RORB: variants seen among roughly 807,000 people sequenced by gnomAD.
RORB encodes the protein RAR related orphan receptor B.
A neutral mutation model predicts 59.1 loss-of-function variants in RORB; 6 were observed. The observed-to-expected ratio is 0.10, with a 90% CI of 0.06 to 0.20. The LOEUF (loss-of-function observed/expected upper bound fraction) is 0.20, where lower values mean the gene tolerates loss of function less well. Ranked by LOEUF, RORB falls within the 10% of genes least tolerant of loss-of-function variation. The probability of loss-of-function intolerance (pLI) is 1.00; values close to 1 mark genes in which losing one functional copy is unlikely to be tolerated. For missense variants in RORB, 320 were observed against 560.5 expected, an observed-to-expected ratio of 0.57 and a Z score of 4.33; for synonymous variants, 215 against 204.5, an observed-to-expected ratio of 1.05 and a Z score of -0.44.
intron 1 of RORB, among the ~76,000 whole-genome samples, chr9:74,588,483 A>G (rs554910011): frequency 7.9e-4 from 120 of 152,186 alleles, no homozygotes; most frequent in Non-Finnish European, 1.4e-3. Context: ...TAAAATAATG[A>G]TTTTAAGAGC....
At chr9:74,634,872 G>T in intron 3 of RORB, 100 bp downstream of exon 3, 4 of 1,122,288 alleles carry the variant, frequency 3.6e-6, no homozygotes, top group Non-Finnish European at 5.0e-6. Flanking sequence ...GAGGGAATTG[G>T]GGATAAGAAG....
intron 2 of RORB, among the ~76,000 whole-genome samples, chr9:74,632,576 C>T (rs1823637222): frequency 6.6e-6 from 1 of 152,044 alleles, no homozygotes; most frequent in African/African-American, 2.4e-5. Context: ...ATCCCTTTTT[C>T]ATGCCAAAAA....
At chr9:74,578,896 C>T (rs769966930) in intron 1 of RORB, among the ~76,000 whole-genome samples, 1 of 152,096 alleles carries the variant, frequency 6.6e-6, no homozygotes, top group Non-Finnish European at 1.5e-5. Context: ...AGCATGTCCT[C>T]ATCCTTTGTC....
intron 1 of RORB, among the ~76,000 whole-genome samples, chr9:74,629,555 A>C (rs1823581019): frequency 6.6e-6 from 1 of 152,064 alleles, no homozygotes. Context: ...TAAATCCTGC[A>C]CGATCTTCAG....
At chr9:74,539,313 G>T (rs964243673) in intron 1 of RORB, among the ~76,000 whole-genome samples, 2 of 152,098 alleles carry the variant, frequency 1.3e-5, no homozygotes, top group Non-Finnish European at 2.9e-5. Context: ...TTTAGATGTT[G>T]CTGGTTTCTC....
intron 4 of RORB, among the ~76,000 whole-genome samples, chr9:74,651,479 G>A (rs1295210371): frequency 6.6e-6 from 1 of 151,716 alleles, no homozygotes; most frequent in African/African-American, 2.4e-5. Context: ...AGGTTGCAGT[G>A]AGCCAAGATT....
chr9:74,503,025 T>C (rs1471300662), intron 1 of RORB, among the ~76,000 whole-genome samples: 1 of 152,108 alleles, frequency 6.6e-6, no homozygotes, highest in Non-Finnish European at 1.5e-5. Context: ...TGTTAAAATA[T>C]ATAGAAAAGT....
chr9:74,500,642 C>A (rs1825793332), intron 1 of RORB, among the ~76,000 whole-genome samples: 1 of 152,194 alleles, frequency 6.6e-6, no homozygotes, highest in African/African-American at 2.4e-5. Context: ...CTTTGAGCGA[C>A]GGAAAGGTGA....
chr9:74,630,332 A>T lies in RORB; in HGVS notation c.58A>T (p.Ile20Phe). 1 of 1,613,650 alleles carries T rather than the reference A, an allele frequency of 6.2e-7. No individual in the cohort carries two copies. The highest frequency in any genetic ancestry group is 8.5e-7 in the Non-Finnish European group (1 of 1,179,682). The change falls in exon 2 of 10, where the codon ATC becomes TTC. Residue 20 changes from isoleucine to phenylalanine, a missense_variant. Physicochemically the swap from Ile to Phe is conservative, Grantham distance 21. Around this residue, in one of 4 missense-constraint regions of RORB, gnomAD observed 37 missense variants for 116.4 expected, o/e 0.32. Coordinates refer to ENST00000376896, the MANE Select transcript of RORB (RefSeq NM_006914.4). ...AATTTGTGGCGATAAGTCCTCTGGGATCCACTACGGAGTCATCACATGTGA... is the reference window on the plus strand; with the variant it reads ...AATTTGTGGCGATAAGTCCTCTGGGTTCCACTACGGAGTCATCACATGTGA... ...CKICGDKSSG[I>F]HYGVITCEGC...
In RORB at chr9:74,557,264, G is replaced by A. The variant is rs143193041; in HGVS notation, c.7+59281G>A. On this transcript the variant is annotated intron_variant, in intron 1 of 9. Coordinates refer to ENST00000376896, the MANE Select transcript of RORB (RefSeq NM_006914.4). ...TCGTTGTTGGCTCAAATAAATAGAT[G>A]AGAAAACTACTATTCTATACTTGAG... Among the ~76,000 whole-genome samples the A allele has an allele frequency of 8.2e-3, 1,244 of 152,186 alleles. 5 individuals are homozygous for A. Among genetic ancestry groups the A allele is most frequent in the Non-Finnish European group, 0.013 (865 of 68,002 alleles).
intron 7 of RORB, 140 bp from the exon 8 acceptor site, chr9:74,667,651 A>G: frequency 3.6e-6 from 2 of 560,700 alleles, no homozygotes; most frequent in Non-Finnish European, 6.3e-6. Flanking sequence ...CACTTTTTAT[A>G]ATTAGAAACT....
At chr9:74,535,420 T>C (rs1275745014) in intron 1 of RORB, among the ~76,000 whole-genome samples, 4 of 152,018 alleles carry the variant, frequency 2.6e-5, no homozygotes, top group Admixed American at 6.6e-5. Context: ...ATTCCAGGGC[T>C]GTGCCTAGGA....
chr9:74,550,518 A>G (rs1015486350), intron 1 of RORB, among the ~76,000 whole-genome samples: 1 of 152,216 alleles, frequency 6.6e-6, no homozygotes, highest in African/African-American at 2.4e-5. Context: ...TTAGTTTCCA[A>G]TGTTAGAGAA....
intron 1 of RORB, among the ~76,000 whole-genome samples, chr9:74,616,747 G>C (rs1260811047): frequency 6.6e-6 from 1 of 152,012 alleles, no homozygotes; most frequent in Non-Finnish European, 1.5e-5. Context: ...TTTCTCCTCT[G>C]ATTTTGTGTT....
chr9:74,675,091 C>T (rs968997072), intron 9 of RORB, among the ~76,000 whole-genome samples: 1 of 151,988 alleles, frequency 6.6e-6, no homozygotes, highest in Non-Finnish European at 1.5e-5. Flanking sequence ...CGTATTTGAG[C>T]TAGTCACTGA....
At chr9:74,618,145 G>GCA (rs1004036258) in intron 1 of RORB, among the ~76,000 whole-genome samples, 1 of 151,682 alleles carries the variant, frequency 6.6e-6, no homozygotes, top group Non-Finnish European at 1.5e-5. Context: ...ACACACACAC[G>GCA]CACACACACG....
intron 1 of RORB, among the ~76,000 whole-genome samples, chr9:74,521,222 G>A (rs1826081497): frequency 6.6e-6 from 1 of 151,878 alleles, no homozygotes; most frequent in East Asian, 1.9e-4. Flanking sequence ...TTCAGATGGT[G>A]AAGTCCAGCT....
At chr9:74,504,849 T>A (rs1213731541) in intron 1 of RORB, among the ~76,000 whole-genome samples, 2 of 152,106 alleles carry the variant, frequency 1.3e-5, no homozygotes, top group African/African-American at 4.8e-5. Context: ...CTTTTTTCAA[T>A]AAATAATTGC....
chr9:74,549,522 AGGGAGGGAG>A (rs1826559105), intron 1 of RORB, among the ~76,000 whole-genome samples: 2 of 50,478 alleles, frequency 4.0e-5, no homozygotes, highest in South Asian at 2.5e-3. Context: ...GAAAGAAGGG[AGGGAGGGAG>A]GGAGGGAGGG....
Sources: allele counts gnomAD v4.1 joint callset (sites outside exome capture counted in the v4.1 genomes callset), GRCh38; gene constraint gnomAD v4.1.1; regional missense constraint gnomAD v4.1.1; transcripts MANE v1.5; gene names NCBI Gene and HGNC (gene_info 2026-07-23, HGNC 2026-07-21).